SYTL4: variants seen among roughly 807,000 people sequenced by gnomAD.
The protein encoded by SYTL4 is synaptotagmin like 4, also known as synaptotagmin-like protein 4.
A neutral mutation model predicts 52.7 loss-of-function variants in SYTL4; 16 were observed. The ratio of observed to expected loss-of-function variants is 0.30; its 90% CI spans 0.21 to 0.46. The LOEUF (loss-of-function observed/expected upper bound fraction) is 0.46. Ranked by LOEUF, SYTL4 falls within the 20% of genes least tolerant of loss-of-function variation. SYTL4 has a pLI of 1.00. For missense variants in SYTL4, 423 were observed against 519.9 expected, an observed-to-expected ratio of 0.81 and a Z score of 1.81; for synonymous variants, 160 against 186.6, an observed-to-expected ratio of 0.86 and a Z score of 1.16.
At chrX:100,727,786 A>G (rs1037405139) in intron 2 of SYTL4, among the ~76,000 whole-genome samples, 5 of 111,617 alleles carry the variant, frequency 4.5e-5, no homozygotes, top group Non-Finnish European at 7.5e-5. Flanking sequence ...TAGAAAAAGA[A>G]GAATCAAGGG....
chrX:100,680,613 G>A (rs1257428740), intron 17 of SYTL4, among the ~76,000 whole-genome samples: 3 of 110,755 alleles, frequency 2.7e-5, no homozygotes, highest in Non-Finnish European at 3.8e-5. Flanking sequence ...AAACCTTTGC[G>A]CATGTTATCC....
At chrX:100,727,893 A>G (rs1414986813) in intron 2 of SYTL4, among the ~76,000 whole-genome samples, 1 of 111,836 alleles carries the variant, frequency 8.9e-6, no homozygotes, top group Non-Finnish European at 1.9e-5. Flanking sequence ...TACAAGGGCA[A>G]TCGGGAGTGC....
intron 8 of SYTL4, among the ~76,000 whole-genome samples, chrX:100,694,760 C>A (rs1022603941): frequency 8.9e-6 from 1 of 111,793 alleles, no homozygotes; most frequent in Non-Finnish European, 1.9e-5. Flanking sequence ...ATTTGTCAAA[C>A]AAACAAACTA....
rs962169832 is a variant in SYTL4, at chrX:100,690,202, A to G, written c.718-37T>C. The G allele has an allele frequency of 3.9e-6, 4 of 1,024,586 alleles. No homozygotes were observed. In the African/African-American group the frequency reaches 5.6e-5, roughly 14 times the overall value. The allele number at this position is 1,024,586 out of a possible 1,213,427, so 84.4% of individuals were successfully genotyped here. On this transcript the variant is annotated intron_variant, in intron 10 of 19. Coordinates refer to ENST00000372989, the MANE Select transcript of SYTL4 (RefSeq NM_001370165.1). ...CAAGGGCAAGAAAATGGAAAAGAAC[A>G]GATGGATAGGTAGAAGGAGTGAGTA...
Position 100,707,548 on chromosome X carries a change from A to AT in SYTL4, c.-239-2663dup, listed in dbSNP as rs759089027. On this transcript the variant is annotated intron_variant, in intron 2 of 19. Coordinates refer to ENST00000372989, the MANE Select transcript of SYTL4 (RefSeq NM_001370165.1). ...TCATATGCAATAAACCAAGTGATATATTTTTATGGTAAATAGTACATCATA... is the reference window on the plus strand; with the variant it reads ...TCATATGCAATAAACCAAGTGATATATTTTTTATGGTAAATAGTACATCATA... Among the ~76,000 whole-genome samples, 467 of 112,239 alleles carry AT rather than the reference A, an allele frequency of 4.2e-3. 2 individuals carry two copies. Among genetic ancestry groups the AT allele is most frequent in the African/African-American group, 0.014 (429 of 30,943 alleles).
intron 2 of SYTL4, among the ~76,000 whole-genome samples, chrX:100,727,110 T>C (rs774279271): frequency 5.4e-5 from 6 of 111,926 alleles, no homozygotes; most frequent in Admixed American, 9.5e-5. Context: ...AATGAACGTG[T>C]TTTTTAAATG....
intron 2 of SYTL4, among the ~76,000 whole-genome samples, chrX:100,724,218 G>T (rs1451322915): frequency 1.5e-3 from 154 of 102,212 alleles, no homozygotes; most frequent in African/African-American, 5.5e-3. Context: ...TCCCCCGCCC[G>T]GCCAGCCGCC....
At chrX:100,701,196 A>G in intron 7 of SYTL4, 24 bp downstream of exon 7, 2 of 1,150,055 alleles carry the variant, frequency 1.7e-6, no homozygotes, top group Non-Finnish European at 2.4e-6. Flanking sequence ...CATACCAAGA[A>G]CCATCTCTAG....
At chrX:100,700,777 A>G (rs778009609) in intron 8 of SYTL4, 120 bp downstream of exon 8, 1 of 562,210 alleles carries the variant, frequency 1.8e-6, no homozygotes, top group Admixed American at 3.1e-5. Context: ...TATTTTCTGT[A>G]CTTTTCAAGT....
chrX:100,685,587 T>C (rs1421157811), intron 16 of SYTL4: 1 of 115,384 alleles, frequency 8.7e-6, no homozygotes, highest in African/African-American at 3.3e-5. Context: ...AGCATAGCAA[T>C]TGGAGCTCCA....
intron 8 of SYTL4, 77 bp downstream of exon 8, chrX:100,700,820 C>T: frequency 2.5e-6 from 2 of 804,786 alleles, no homozygotes; most frequent in South Asian, 2.3e-5. Flanking sequence ...ATTTTATAAA[C>T]AGAAGAAGTA....
At position 100,678,497 on chromosome X, in the gene SYTL4, C is replaced by T; in HGVS notation, c.1761G>A (p.Val587=). 2 of 1,210,472 alleles carry T rather than the reference C, an allele frequency of 1.7e-6. No homozygotes were observed. Among genetic ancestry groups the T allele is most frequent in the East Asian group, 3.0e-5 (1 of 33,838 alleles). The change falls in exon 19 of 20, where the codon GTG becomes GTA. Residue 587 remains valine (V), a synonymous_variant. Coordinates refer to ENST00000372989, the MANE Select transcript of SYTL4 (RefSeq NM_001370165.1). ...HYNHTFVYNG[V]RLEDLQHMCL... Reference sequence around the variant, plus strand: ...ACATATGCTGTAGATCTTCCAGCCTCACACCATTGTAGACAAATGTATGGT... The same window carrying T: ...ACATATGCTGTAGATCTTCCAGCCTTACACCATTGTAGACAAATGTATGGT...
At position 100,688,377 on chromosome X, in the gene SYTL4, T is replaced by G; in HGVS notation, c.979A>C (p.Ser327Arg). 1.7e-6 allele frequency: 2 copies of G among 1,210,784 alleles called. No homozygotes were observed. The highest frequency in any genetic ancestry group is 2.2e-6 in the Non-Finnish European group (2 of 894,679). ...VKLHRQKLARSSMQSGSSMST... is the reference protein window; with the variant it reads ...VKLHRQKLARRSMQSGSSMST... ...ATGGAGGAGCCACTTTGCATGCTGC[T>G]TCTGGCTAGCTTCTGGCGATGTAAC... The change falls in exon 13 of 20, where the codon AGC (serine) becomes CGC (arginine). Residue 327 changes from serine (S) to arginine (R), a missense_variant. Ser to Arg is a moderately radical substitution (Grantham distance 110). Transcript: ENST00000372989.
At chrX:100,679,871 A>G (rs2083341756) in intron 17 of SYTL4, among the ~76,000 whole-genome samples, 2 of 111,659 alleles carry the variant, frequency 1.8e-5, no homozygotes, top group Non-Finnish European at 3.8e-5. Flanking sequence ...CCCAATTTAA[A>G]TATCTCTTTC....
chrX:100,726,470 C>T (rs2147846571), intron 2 of SYTL4, among the ~76,000 whole-genome samples: 1 of 110,185 alleles, frequency 9.1e-6, no homozygotes, highest in Non-Finnish European at 1.9e-5. Flanking sequence ...CCTGTCCCTC[C>T]ACAGGTACTT....
At chrX:100,684,508 A>G (rs1204774889) in intron 16 of SYTL4, among the ~76,000 whole-genome samples, 1 of 110,877 alleles carries the variant, frequency 9.0e-6, no homozygotes, top group Non-Finnish European at 1.9e-5. Context: ...ATGAAAAAAT[A>G]CTATGCAGCA....
chrX:100,731,704 A>G (rs1362151830), intron 1 of SYTL4, among the ~76,000 whole-genome samples, 199 bp from the exon 2 acceptor site: 1 of 111,872 alleles, frequency 8.9e-6, no homozygotes, highest in Non-Finnish European at 1.9e-5. Context: ...CACAGACCGC[A>G]TTAGTGCTGG....
At chrX:100,717,068 A>T (rs901716081) in intron 2 of SYTL4, among the ~76,000 whole-genome samples, 8 of 111,670 alleles carry the variant, frequency 7.2e-5, no homozygotes, top group African/African-American at 2.0e-4. Flanking sequence ...GCACAGTTTC[A>T]GGCCTTCCAA....
rs1012664054 is a variant in SYTL4 at position 100,686,098 on chromosome X, C to A, written c.1341G>T (p.Trp447Cys). ...LAQRTLQFSV[W>C]HHGRFGRNTF... ...TGTTTCTGCCAAAACGACCATGATGCCAAACTGAGAACTGCAGGGTCCTCT... is the reference window on the plus strand; with the variant it reads ...TGTTTCTGCCAAAACGACCATGATGACAAACTGAGAACTGCAGGGTCCTCT... The change falls in exon 16 of 20, where the codon TGG (tryptophan) becomes TGT (cysteine). Residue 447 changes from tryptophan to cysteine, a missense_variant. Coordinates refer to ENST00000372989, the MANE Select transcript of SYTL4 (RefSeq NM_001370165.1). 2 of 1,210,481 alleles carry A rather than the reference C, an allele frequency of 1.7e-6. No homozygotes were observed. The highest frequency in any genetic ancestry group is 3.0e-5 in the East Asian group (1 of 33,819).
Sources: gnomAD v4.1 joint callset for allele counts (sites outside exome capture counted in the v4.1 genomes callset) on GRCh38, gnomAD v4.1.1 for gene constraint, MANE v1.5 for transcripts, NCBI Gene and HGNC (gene_info 2026-07-23, HGNC 2026-07-21) for gene names.